Variants in CDH18 observed in about 807,000 individuals in gnomAD.
The protein encoded by CDH18 is cadherin 18, also known as cadherin-18.
CDH18 carries 31 observed loss-of-function variants against 67.9 expected under a neutral mutation model. The observed-to-expected ratio is 0.46, with a 90% CI of 0.34 to 0.62. CDH18 has a LOEUF of 0.62. CDH18 is among the 20% of genes least tolerant of loss of function. The pLI is 0.01. For synonymous variants in CDH18, 362 were observed against 347.2 expected, an observed-to-expected ratio of 1.04 and a Z score of -0.48; for missense variants, 890 against 975.5, an observed-to-expected ratio of 0.91 and a Z score of 1.17.
chr5:19,923,306 C>T (rs1031962923), intron 2 of CDH18, among the ~76,000 whole-genome samples: 1 of 152,120 alleles, frequency 6.6e-6, no homozygotes, highest in Non-Finnish European at 1.5e-5. Context: ...CCTTATAAGG[C>T]TCCAGAAAAC....
chr5:20,225,959 G>A (rs915628702), intron 2 of CDH18, among the ~76,000 whole-genome samples: 15 of 151,932 alleles, frequency 9.9e-5, no homozygotes, highest in South Asian at 4.2e-4. Flanking sequence ...TCAGGAAGAC[G>A]GGCAGTGCCA....
intron 1 of CDH18, among the ~76,000 whole-genome samples, chr5:20,265,051 A>G (rs931014421): frequency 2.6e-5 from 4 of 152,156 alleles, no homozygotes; most frequent in Non-Finnish European, 5.9e-5. Context: ...ACTCAATTCA[A>G]TCTCAGACGA....
At chr5:19,591,351 G>T in intron 6 of CDH18, 107 bp from the exon 7 acceptor site, 1 of 627,480 alleles carries the variant, frequency 1.6e-6, no homozygotes, top group Non-Finnish European at 2.4e-6. Flanking sequence ...ACTATATTAG[G>T]TAATGCATCA....
rs542086958 is a variant in CDH18, at chr5:19,672,853, C to T, written c.643+48494G>A. ...AATATTTGATGATAGTGTTTGTTTT[C>T]CATCTCTTGGTCAGAAATATTTTAA... is the stretch of plus-strand genomic sequence containing the variant. On this transcript the variant is annotated intron_variant, in intron 5 of 12. Transcript: ENST00000382275. 2.2e-4 allele frequency among the ~76,000 whole-genome samples: 33 copies of T among 152,036 alleles called. No homozygotes were observed. The South Asian group carries it at 6.9e-3, about 32-fold the overall frequency.
intron 2 of CDH18, among the ~76,000 whole-genome samples, chr5:19,927,867 C>T (rs1371591825): frequency 6.6e-6 from 1 of 151,996 alleles, no homozygotes; most frequent in Non-Finnish European, 1.5e-5. Context: ...TCTGACAGAC[C>T]CTTGAGATGG....
At chr5:20,053,726 A>T (rs1047702462) in intron 2 of CDH18, among the ~76,000 whole-genome samples, 1 of 152,144 alleles carries the variant, frequency 6.6e-6, no homozygotes, top group African/African-American at 2.4e-5. Context: ...TCTGATTGTC[A>T]AAATGAATAT....
At chr5:19,615,524 T>G (rs1220252334) in intron 5 of CDH18, among the ~76,000 whole-genome samples, 1 of 152,288 alleles carries the variant, frequency 6.6e-6, no homozygotes. Context: ...CATTTGATAC[T>G]ATTGATGAGC....
intron 2 of CDH18, among the ~76,000 whole-genome samples, chr5:20,131,814 ATTAC>A (rs1749292065): frequency 6.6e-6 from 1 of 152,098 alleles, no homozygotes; most frequent in African/African-American, 2.4e-5. Flanking sequence ...ACTTGGGTCT[ATTAC>A]TTTACACTTT....
intron 1 of CDH18, among the ~76,000 whole-genome samples, chr5:20,536,983 AAC>A (rs925277123): frequency 6.6e-6 from 1 of 152,096 alleles, no homozygotes; most frequent in African/African-American, 2.4e-5. Flanking sequence ...TCACTAATCT[AAC>A]AGTCATATTC....
intron 1 of CDH18, among the ~76,000 whole-genome samples, chr5:20,496,135 A>T (rs963474123): frequency 6.6e-6 from 1 of 152,158 alleles, no homozygotes; most frequent in African/African-American, 2.4e-5. Flanking sequence ...TGAAAAACAC[A>T]CCATATACTG....
At chr5:20,061,905 T>C (rs1159953851) in intron 2 of CDH18, among the ~76,000 whole-genome samples, 1 of 152,200 alleles carries the variant, frequency 6.6e-6, no homozygotes, top group East Asian at 1.9e-4. Flanking sequence ...GCCCTTGAAG[T>C]GGTCAGGAAT....
At chr5:19,545,784 G>C (rs1422145423) in intron 8 of CDH18, among the ~76,000 whole-genome samples, 4 of 152,128 alleles carry the variant, frequency 2.6e-5, no homozygotes, top group African/African-American at 9.7e-5. Flanking sequence ...TACCCATGTG[G>C]AATAAAAAGC....
At chr5:19,489,483 G>T (rs138548645) in intron 11 of CDH18, among the ~76,000 whole-genome samples, 4,028 of 151,968 alleles carry the variant, frequency 0.027, 168 homozygotes, top group African/African-American at 0.093. Context: ...TCCTGACCTT[G>T]TGATCTGCCC....
chr5:19,597,999 C>T lies in CDH18; in HGVS notation c.812-6755G>A, dbSNP rs528525221. On this transcript the variant is annotated intron_variant, in intron 6 of 12. Coordinates refer to ENST00000382275, the MANE Select transcript of CDH18 (RefSeq NM_004934.5). Reference sequence around the variant, plus strand: ...ATTTTAATAATATGCTACAAGTTATCTAACCTTATATTTTTCTAATTTAGA... The same window carrying T: ...ATTTTAATAATATGCTACAAGTTATTTAACCTTATATTTTTCTAATTTAGA... Among the ~76,000 whole-genome samples the T allele has an allele frequency of 4.6e-5, 7 of 152,150 alleles. No individual in the cohort carries two copies. In the South Asian group the frequency reaches 1.5e-3, roughly 32 times the overall value.
chr5:20,450,799 G>A (rs369707505), intron 1 of CDH18, among the ~76,000 whole-genome samples: 2 of 152,228 alleles, frequency 1.3e-5, no homozygotes, highest in East Asian at 3.9e-4. Flanking sequence ...ATATTTCTGA[G>A]ACTGGGTAAT....
At chr5:19,935,815 T>TCTCTCTCTCTCTCA (rs1561588075) in intron 2 of CDH18, among the ~76,000 whole-genome samples, 3 of 150,158 alleles carry the variant, frequency 2.0e-5, no homozygotes, top group African/African-American at 7.3e-5. Flanking sequence ...TCTCTCTCTC[T>TCTCTCTCTCTCTCA]CTCTCTCTCT....
chr5:20,305,272 A>G, intron 1 of CDH18: 2 of 1,455,964 alleles, frequency 1.4e-6, no homozygotes, highest in Non-Finnish European at 1.9e-6. Context: ...TAAACCTTTA[A>G]AACTTTTAAA....
intron 8 of CDH18, among the ~76,000 whole-genome samples, chr5:19,555,449 G>C (rs1396754486): frequency 6.6e-6 from 1 of 152,198 alleles, no homozygotes; most frequent in Non-Finnish European, 1.5e-5. Flanking sequence ...AGTGAGACCA[G>C]CTGTTTGGGC....
chr5:20,442,201 G>A (rs1020695685), intron 1 of CDH18, among the ~76,000 whole-genome samples: 1 of 151,830 alleles, frequency 6.6e-6, no homozygotes, highest in Non-Finnish European at 1.5e-5. Context: ...GCAATACACT[G>A]TCATTGGCAT....
Sources: gnomAD v4.1 joint callset for allele counts (sites outside exome capture counted in the v4.1 genomes callset) on GRCh38, gnomAD v4.1.1 for gene constraint, MANE v1.5 for transcripts, NCBI Gene and HGNC (gene_info 2026-07-23, HGNC 2026-07-21) for gene names.